The following ADGRL3 variants were observed in gnomAD, a reference collection of about 807,000 sequenced individuals.
ADGRL3 encodes the protein adhesion G protein-coupled receptor L3.
Under a neutral mutation model 153.5 loss-of-function variants are expected in ADGRL3, and 62 were observed. The observed-to-expected ratio is 0.40, with a 90% CI of 0.33 to 0.50. The LOEUF (loss-of-function observed/expected upper bound fraction) is 0.50. Ranked by LOEUF, ADGRL3 falls within the 20% of genes least tolerant of loss-of-function variation. The pLI is 0.47. For missense variants in ADGRL3, 1,641 were observed against 1,859.4 expected, an observed-to-expected ratio of 0.88 and a Z score of 2.16; for synonymous variants, 710 against 672.5, an observed-to-expected ratio of 1.06 and a Z score of -0.86.
intron 9 of ADGRL3, among the ~76,000 whole-genome samples, chr4:61,864,282 G>A (rs972555447): frequency 3.3e-5 from 5 of 152,016 alleles, no homozygotes; most frequent in African/African-American, 7.2e-5. Flanking sequence ...AAGAAATATT[G>A]AAAATTGGCC....
chr4:61,307,838 G>A (rs549046507), intron 1 of ADGRL3, among the ~76,000 whole-genome samples: 1 of 152,160 alleles, frequency 6.6e-6, no homozygotes, highest in African/African-American at 2.4e-5. Flanking sequence ...TGTCCTGTTG[G>A]TTGGAGGCTG....
At chr4:61,441,000 A>C (rs6817006) in intron 2 of ADGRL3, among the ~76,000 whole-genome samples, 2,185 of 152,268 alleles carry the variant, frequency 0.014, 58 homozygotes, top group African/African-American at 0.049. Flanking sequence ...GGTCTCTGAG[A>C]GATTATAGAC....
chr4:61,458,507 T>C (rs335345), intron 2 of ADGRL3, among the ~76,000 whole-genome samples: 141,065 of 151,246 alleles, frequency 0.93, 66,606 homozygotes, highest in East Asian at 1. Flanking sequence ...GTTAGATAGG[T>C]CAATAATATT....
chr4:61,706,296 C>T (rs926544038), intron 6 of ADGRL3, among the ~76,000 whole-genome samples: 11 of 151,968 alleles, frequency 7.2e-5, no homozygotes, highest in African/African-American at 2.7e-4. Context: ...GTGGCACATG[C>T]CTGTAATCTT....
intron 4 of ADGRL3, among the ~76,000 whole-genome samples, chr4:61,566,929 A>G (rs951325954): frequency 3.3e-5 from 5 of 152,130 alleles, no homozygotes; most frequent in Admixed American, 2.0e-4. Flanking sequence ...TTGTCTCATC[A>G]ATTACCCATT....
chr4:61,930,517 C>T (rs957824401), intron 13 of ADGRL3, among the ~76,000 whole-genome samples: 1 of 152,112 alleles, frequency 6.6e-6, no homozygotes, highest in African/African-American at 2.4e-5. Flanking sequence ...AACAAATAAA[C>T]TCTGTATTTT....
chr4:61,309,742 G>A (rs565375047), intron 1 of ADGRL3, among the ~76,000 whole-genome samples: 2 of 152,162 alleles, frequency 1.3e-5, no homozygotes, highest in South Asian at 2.1e-4. Context: ...ACCCAAAAAA[G>A]TGAAAGATAG....
chr4:61,578,775 C>G (rs2098908055), intron 4 of ADGRL3, among the ~76,000 whole-genome samples: 1 of 152,104 alleles, frequency 6.6e-6, no homozygotes, highest in East Asian at 1.9e-4. Context: ...TTTAAGCACA[C>G]TAGCACATGT....
intron 2 of ADGRL3, among the ~76,000 whole-genome samples, chr4:61,431,713 T>A (rs1578820488): frequency 2.0e-5 from 3 of 152,272 alleles, no homozygotes; most frequent in Admixed American, 2.0e-4. Context: ...TAAATCTACC[T>A]CAGAAAGGAA....
chr4:61,957,007 T>G (rs1252557932), intron 17 of ADGRL3, among the ~76,000 whole-genome samples: 3 of 152,168 alleles, frequency 2.0e-5, no homozygotes, highest in Non-Finnish European at 4.4e-5. Flanking sequence ...TAGGATTGTC[T>G]TGGCTATACG....
intron 2 of ADGRL3, chr4:61,425,243 T>C (rs1190955224): frequency 6.6e-6 from 1 of 152,264 alleles, no homozygotes; most frequent in Admixed American, 6.5e-5. Flanking sequence ...CCATTCATCA[T>C]AGACATTACA....
intron 4 of ADGRL3, among the ~76,000 whole-genome samples, chr4:61,541,370 T>TC (rs1553959111): frequency 1.4e-4 from 17 of 125,762 alleles, no homozygotes; most frequent in Admixed American, 5.0e-4. Context: ...TTTTTTTTTT[T>TC]CTGACACCTG....
intron 8 of ADGRL3, among the ~76,000 whole-genome samples, chr4:61,749,188 A>G (rs1440091789): frequency 6.6e-6 from 1 of 152,066 alleles, no homozygotes; most frequent in African/African-American, 2.4e-5. Context: ...TAGAATGGCA[A>G]TCATTAAAAA....
At chr4:61,814,720 G>A (rs1388583175) in intron 9 of ADGRL3, among the ~76,000 whole-genome samples, 1 of 152,082 alleles carries the variant, frequency 6.6e-6, no homozygotes, top group African/African-American at 2.4e-5. Flanking sequence ...TCTCCTGGGA[G>A]TCTCTTATCC....
chr4:61,523,278 A>G (rs970614853), intron 4 of ADGRL3, among the ~76,000 whole-genome samples: 6 of 152,174 alleles, frequency 3.9e-5, no homozygotes, highest in African/African-American at 1.2e-4. Flanking sequence ...TTTTAACAGA[A>G]GAACAGGGAT....
At chr4:62,035,097 TG>T (rs1724224045) in intron 23 of ADGRL3, among the ~76,000 whole-genome samples, 1 of 151,978 alleles carries the variant, frequency 6.6e-6, no homozygotes, top group Non-Finnish European at 1.5e-5. Flanking sequence ...TTCCTGGACA[TG>T]GTCCATGTTA....
At chr4:61,721,251 C>T (rs2096239301) in intron 6 of ADGRL3, among the ~76,000 whole-genome samples, 1 of 152,100 alleles carries the variant, frequency 6.6e-6, no homozygotes, top group African/African-American at 2.4e-5. Context: ...TGCCTGCAAA[C>T]TGAGGAGCAA....
chr4:62,012,891 C>A (rs1319702714), intron 21 of ADGRL3, among the ~76,000 whole-genome samples: 1 of 152,076 alleles, frequency 6.6e-6, no homozygotes, highest in Non-Finnish European at 1.5e-5. Context: ...AAGTTAATTA[C>A]TGAGTGAAAC....
At chr4:61,613,923 G>A (rs2091694245) in intron 5 of ADGRL3, among the ~76,000 whole-genome samples, 1 of 152,112 alleles carries the variant, frequency 6.6e-6, no homozygotes, top group South Asian at 2.1e-4. Flanking sequence ...GAAGAAAGAG[G>A]CATGTATACT....
Sources: allele counts gnomAD v4.1 joint callset (sites outside exome capture counted in the v4.1 genomes callset), GRCh38; gene constraint gnomAD v4.1.1; transcripts MANE v1.5; gene names NCBI Gene and HGNC (gene_info 2026-07-23, HGNC 2026-07-21).